The following MYOF variants were observed in gnomAD, a reference collection of about 807,000 sequenced individuals.
MYOF encodes the protein myoferlin, also known as fer-1-like 3, myoferlin.
A neutral mutation model predicts 284.2 loss-of-function variants in MYOF; 244 were observed. The observed-to-expected ratio is 0.86, with a 90% CI of 0.77 to 0.95. MYOF has a LOEUF of 0.95. Ranked by LOEUF, MYOF falls within the 40% of genes least tolerant of loss-of-function variation. MYOF has a pLI of 0.00. For missense variants in MYOF, 2,496 were observed against 2,560.6 expected (o/e 0.97, Z 0.54); for synonymous variants, 904 against 919.7 (o/e 0.98, Z 0.31).
intron 40 of MYOF, 95 bp downstream of exon 40, chr10:93,337,720 C>T: frequency 1.0e-6 from 1 of 996,872 alleles, no homozygotes; most frequent in South Asian, 1.5e-5. Context: ...CATTAGCACC[C>T]ACCCAAGGGA....
Position 93,361,497 on chromosome 10 carries a change from C to A in MYOF, c.2929G>T (p.Asp977Tyr). 1.2e-6 allele frequency: 2 copies of A among 1,614,232 alleles called. No homozygotes were observed. The highest frequency in any genetic ancestry group is 1.7e-6 in the Non-Finnish European group (2 of 1,180,038). Residue 977 changes from aspartate (D) to tyrosine (Y), a missense_variant, in exon 28 of 54, where the codon GAT (aspartate) becomes TAT (tyrosine). Around this residue, in one of 3 missense-constraint regions of MYOF, gnomAD observed 2,436 missense variants for 2,480.7 expected, o/e 0.98. Transcript: ENST00000359263. ...TTTATGTCATAAGACCATGCATCAT[C>A]TTCCCATTCCCAACCTGGAGGACAA... The part of the protein sequence containing the change: ...LTCPPGWEWE[D>Y]DAWSYDINRA...
At chr10:93,403,145 C>T (rs2134095524) in intron 9 of MYOF, among the ~76,000 whole-genome samples, 1 of 152,212 alleles carries the variant, frequency 6.6e-6, no homozygotes, top group South Asian at 2.1e-4. Flanking sequence ...GCAGAGTGAC[C>T]AATATGACCC....
At chr10:93,347,075 C>T (rs2133869601) in intron 37 of MYOF, among the ~76,000 whole-genome samples, 1 of 152,306 alleles carries the variant, frequency 6.6e-6, no homozygotes, top group South Asian at 2.1e-4. Flanking sequence ...CTCGAGCATG[C>T]CACCCACCCC....
At chr10:93,387,950 G>A (rs1468716581) in intron 18 of MYOF, 37 bp from the exon 19 acceptor site, 1 of 1,520,434 alleles carries the variant, frequency 6.6e-7, no homozygotes, top group Admixed American at 1.7e-5. Context: ...CCTCTAGGCA[G>A]CAACAGCAAA....
intron 3 of MYOF, among the ~76,000 whole-genome samples, chr10:93,434,762 C>T (rs79146424): frequency 6.6e-6 from 1 of 152,030 alleles, no homozygotes. Flanking sequence ...GGGAATTTTA[C>T]AGAGTATGTT....
At chr10:93,469,076 C>T (rs1274907161) in intron 1 of MYOF, among the ~76,000 whole-genome samples, 1 of 152,098 alleles carries the variant, frequency 6.6e-6, no homozygotes, top group East Asian at 1.9e-4. Context: ...CCTTCAGCAC[C>T]TGCTTGTGTT....
rs561747123 is a variant in MYOF at position 93,427,046 on chromosome 10, C to A, written c.346-888G>T. Among the ~76,000 whole-genome samples the A allele has an allele frequency of 7.7e-4, 117 of 151,178 alleles. 1 individual carries two copies. Among genetic ancestry groups the A allele is most frequent in the South Asian group, 4.2e-3 (20 of 4,776 alleles). Reference sequence around the variant, plus strand: ...GGAATACAGGCGTGCACCATCATGCCCGGCTAATATTTTGTATTTTTAGTA... The same window carrying A: ...GGAATACAGGCGTGCACCATCATGCACGGCTAATATTTTGTATTTTTAGTA... On this transcript the variant is annotated intron_variant, in intron 4 of 53. Coordinates refer to ENST00000359263, the MANE Select transcript of MYOF (RefSeq NM_013451.4).
Sources: gnomAD v4.1 joint callset for allele counts (sites outside exome capture counted in the v4.1 genomes callset) on GRCh38, gnomAD v4.1.1 for gene constraint, gnomAD v4.1.1 regional missense constraint, MANE v1.5 for transcripts, NCBI Gene and HGNC (gene_info 2026-07-23, HGNC 2026-07-21) for gene names.